OSBPL8: variants seen among roughly 807,000 people sequenced by gnomAD.
OSBPL8 encodes the protein oxysterol-binding protein-related protein 8.
OSBPL8 carries 59 observed loss-of-function variants against 125.5 expected under a neutral mutation model. The observed-to-expected ratio is 0.47, with a 90% CI of 0.38 to 0.58. The LOEUF is 0.58. OSBPL8 is among the 20% of genes least tolerant of loss of function. The probability of loss-of-function intolerance (pLI) is 0.00; values close to 1 mark genes in which losing one functional copy is unlikely to be tolerated. For synonymous variants in OSBPL8, 330 were observed against 338.9 expected, an observed-to-expected ratio of 0.97 and a Z score of 0.29; for missense variants, 758 against 1,047.8, an observed-to-expected ratio of 0.72 and a Z score of 3.82.
At chr12:76,427,229 A>G (rs1870252855) in intron 4 of OSBPL8, among the ~76,000 whole-genome samples, 1 of 152,134 alleles carries the variant, frequency 6.6e-6, no homozygotes, top group Non-Finnish European at 1.5e-5. Context: ...AGTGGAAACA[A>G]CATTATATGA....
intron 15 of OSBPL8, 31 bp from the exon 16 acceptor site, chr12:76,378,581 C>T: frequency 6.8e-7 from 1 of 1,467,480 alleles, no homozygotes; most frequent in Non-Finnish European, 9.4e-7. Flanking sequence ...TTAAATTTCA[C>T]AAAACTTATT....
intron 1 of OSBPL8, among the ~76,000 whole-genome samples, chr12:76,489,676 G>C (rs958388004): frequency 1.3e-5 from 2 of 152,208 alleles, no homozygotes; most frequent in African/African-American, 4.8e-5. Context: ...TCACCCAAAA[G>C]TTCTGGTGGA....
chr12:76,520,074 G>A (rs943726875), intron 1 of OSBPL8, among the ~76,000 whole-genome samples: 1 of 152,084 alleles, frequency 6.6e-6, no homozygotes, highest in African/African-American at 2.4e-5. Flanking sequence ...TCAGAGACCA[G>A]AGATTATAAC....
intron 4 of OSBPL8, among the ~76,000 whole-genome samples, chr12:76,433,500 GA>G (rs1307595347): frequency 6.6e-6 from 1 of 151,846 alleles, no homozygotes; most frequent in Non-Finnish European, 1.5e-5. Context: ...AAAAAGAGGT[GA>G]AAGATTTATA....
At chr12:76,371,711 T>A (rs889518562) in intron 18 of OSBPL8, 127 bp from the exon 19 acceptor site, 20 of 865,936 alleles carry the variant, frequency 2.3e-5, no homozygotes, top group Non-Finnish European at 2.9e-5. Context: ...TTAAAACAAA[T>A]ATAACTAGCA....
chr12:76,465,888 C>T (rs1200896267), intron 2 of OSBPL8, among the ~76,000 whole-genome samples: 1 of 152,002 alleles, frequency 6.6e-6, no homozygotes, highest in African/African-American at 2.4e-5. Context: ...CGCCTGTAAT[C>T]CCAGATACTC....
chr12:76,539,061 G>A (rs1192107544), intron 1 of OSBPL8, among the ~76,000 whole-genome samples: 6 of 107,408 alleles, frequency 5.6e-5, no homozygotes, highest in Admixed American at 5.2e-4. Flanking sequence ...GGGGGGGGGA[G>A]GGGGAGGGTA....
At chr12:76,439,638 C>A (rs1871943268) in intron 4 of OSBPL8, among the ~76,000 whole-genome samples, 1 of 151,512 alleles carries the variant, frequency 6.6e-6, no homozygotes, top group South Asian at 2.1e-4. Context: ...TTCATGTTTT[C>A]TTTGTAAAAG....
intron 2 of OSBPL8, among the ~76,000 whole-genome samples, chr12:76,461,017 T>C (rs1028876641): frequency 1.3e-5 from 2 of 152,226 alleles, no homozygotes; most frequent in Non-Finnish European, 2.9e-5. Context: ...TTCTAATGCC[T>C]TGAAGGCATT....
chr12:76,530,051 A>AT (rs1015714301), intron 1 of OSBPL8, among the ~76,000 whole-genome samples: 19 of 151,410 alleles, frequency 1.3e-4, no homozygotes, highest in African/African-American at 3.2e-4. Context: ...AGATTTCCAC[A>AT]TTTTTTTTCT....
chr12:76,534,724 G>A (rs1201390455), intron 1 of OSBPL8, among the ~76,000 whole-genome samples: 3 of 152,022 alleles, frequency 2.0e-5, no homozygotes, highest in South Asian at 2.1e-4. Context: ...TACTATTTTC[G>A]AGATGATGTT....
chr12:76,443,549 C>T (rs1296535719), intron 4 of OSBPL8, among the ~76,000 whole-genome samples: 1 of 152,086 alleles, frequency 6.6e-6, no homozygotes, highest in Non-Finnish European at 1.5e-5. Context: ...TGCTCTGTCT[C>T]CCAGGCTGGA....
chr12:76,558,587 A>G (rs1360766477), intron 1 of OSBPL8, among the ~76,000 whole-genome samples: 2 of 152,238 alleles, frequency 1.3e-5, no homozygotes, highest in Non-Finnish European at 2.9e-5. Context: ...GTTAAAGTTT[A>G]CCCATCTGTT....
intron 1 of OSBPL8, among the ~76,000 whole-genome samples, chr12:76,529,486 T>C (rs902493556): frequency 6.7e-6 from 1 of 150,250 alleles, no homozygotes; most frequent in Non-Finnish European, 1.5e-5. Flanking sequence ...AGAATAGCAG[T>C]GTCATGCCAG....
intron 1 of OSBPL8, among the ~76,000 whole-genome samples, chr12:76,538,812 G>T (rs925918091): frequency 1.5e-4 from 23 of 151,826 alleles, no homozygotes; most frequent in Admixed American, 3.9e-4. Flanking sequence ...GCCGGCTGTG[G>T]TGGCACATGT....
At chr12:76,439,893 T>C (rs750022073) in intron 4 of OSBPL8, among the ~76,000 whole-genome samples, 3 of 152,184 alleles carry the variant, frequency 2.0e-5, no homozygotes, top group Non-Finnish European at 2.9e-5. Flanking sequence ...GACAATTTTA[T>C]TAGCCTTTAC....
In OSBPL8 at chr12:76,480,167, C is replaced by CAAAAAAAAAA. The variant is rs57582036; in HGVS notation, c.42+7333_42+7342dup. Among the ~76,000 whole-genome samples the CAAAAAAAAAA allele has an allele frequency of 1.2e-4, 7 of 56,378 alleles. 1 individual carries two copies. Among genetic ancestry groups the CAAAAAAAAAA allele is most frequent in the East Asian group, 6.2e-4 (1 of 1,622 alleles). 37.0% of individuals were successfully genotyped at this position (56,378 alleles called of 152,430 possible). ...GGGCAACAAGAGTGAAACTCCATCT[C>CAAAAAAAAAA]AAAAAAAAAAAAAAAAAAAAAAAAG... is the stretch of plus-strand genomic sequence containing the variant. On this transcript the variant is annotated intron_variant, in intron 2 of 23. Coordinates refer to ENST00000261183, the MANE Select transcript of OSBPL8 (RefSeq NM_020841.5).
intron 21 of OSBPL8, among the ~76,000 whole-genome samples, chr12:76,360,892 C>A (rs1168150088): frequency 6.6e-6 from 1 of 152,210 alleles, no homozygotes. Context: ...GAACCCTGGG[C>A]CCAGCCCATG....
intron 1 of OSBPL8, among the ~76,000 whole-genome samples, chr12:76,492,709 G>A (rs909417295): frequency 3.3e-5 from 5 of 152,222 alleles, no homozygotes; most frequent in African/African-American, 7.2e-5. Flanking sequence ...ACTGTCTCCC[G>A]TACCCTCAAG....
Sources: gnomAD v4.1 joint callset for allele counts (sites outside exome capture counted in the v4.1 genomes callset) on GRCh38, gnomAD v4.1.1 for gene constraint, MANE v1.5 for transcripts, NCBI Gene and HGNC (gene_info 2026-07-23, HGNC 2026-07-21) for gene names.